Variants in ST8SIA4 observed in about 807,000 individuals in gnomAD.
ST8SIA4 encodes ST8 alpha-N-acetyl-neuraminide alpha-2,8-sialyltransferase 4.
ST8SIA4 carries 15 observed loss-of-function variants against 33.9 expected under a neutral mutation model. The ratio of observed to expected loss-of-function variants is 0.44; its 90% CI spans 0.30 to 0.68. The LOEUF (loss-of-function observed/expected upper bound fraction) is 0.68. Among genes scored for constraint, ST8SIA4 ranks in the 30% least tolerant of loss-of-function variants. ST8SIA4 has a pLI of 0.10. For missense variants in ST8SIA4, 321 were observed against 428.0 expected, an observed-to-expected ratio of 0.75 and a Z score of 2.21; for synonymous variants, 171 against 151.2, an observed-to-expected ratio of 1.13 and a Z score of -0.96.
At chr5:100,844,238 G>A (rs895983886) in intron 4 of ST8SIA4, among the ~76,000 whole-genome samples, 2 of 151,888 alleles carry the variant, frequency 1.3e-5, no homozygotes, top group South Asian at 2.1e-4. Context: ...AATTTGCATC[G>A]TATATAATGT....
intron 4 of ST8SIA4, among the ~76,000 whole-genome samples, chr5:100,815,678 T>C (rs1036513998): frequency 5.9e-5 from 9 of 152,104 alleles, no homozygotes; most frequent in Non-Finnish European, 1.3e-4. Flanking sequence ...GTTCAATTTC[T>C]TACTTCAAAC....
intron 4 of ST8SIA4, among the ~76,000 whole-genome samples, chr5:100,852,114 CTTTTTTTT>C (rs773074391): frequency 1.2e-5 from 1 of 83,446 alleles, no homozygotes; most frequent in South Asian, 5.2e-4. Context: ...CTCCACTCTT[CTTTTTTTT>C]TTTTTTTTTT....
At chr5:100,822,509 T>C (rs1398026354) in intron 4 of ST8SIA4, among the ~76,000 whole-genome samples, 1 of 152,178 alleles carries the variant, frequency 6.6e-6, no homozygotes. Context: ...ATCTCTAAAT[T>C]TGGGTAAAAA....
chr5:100,834,055 T>G lies in ST8SIA4; in HGVS notation c.798-21926A>C, dbSNP rs555555456. Among the ~76,000 whole-genome samples the G allele has an allele frequency of 4.6e-5, 7 of 152,300 alleles. No homozygotes were observed. In the South Asian group the frequency reaches 1.4e-3, roughly 32 times the overall value. Reference sequence around the variant, plus strand: ...ATATTGAAGAGATTAGGATATCATCTTAATCAAATGAGTGCTAATATAATA... The same window carrying G: ...ATATTGAAGAGATTAGGATATCATCGTAATCAAATGAGTGCTAATATAATA... On this transcript the variant is annotated intron_variant, in intron 4 of 4. Coordinates refer to ENST00000231461, the MANE Select transcript of ST8SIA4 (RefSeq NM_005668.6).
At chr5:100,833,604 T>C (rs1751303788) in intron 4 of ST8SIA4, among the ~76,000 whole-genome samples, 1 of 152,128 alleles carries the variant, frequency 6.6e-6, no homozygotes, top group South Asian at 2.1e-4. Flanking sequence ...AACAAACCTA[T>C]GTCAAAAGGG....
intron 4 of ST8SIA4, among the ~76,000 whole-genome samples, chr5:100,818,088 G>T (rs1408440666): frequency 2.0e-5 from 3 of 152,162 alleles, no homozygotes; most frequent in African/African-American, 7.2e-5. Context: ...TGATGGGAAA[G>T]AAAGGATAAA....
intron 4 of ST8SIA4, among the ~76,000 whole-genome samples, chr5:100,849,929 T>C (rs1266003663): frequency 2.0e-5 from 3 of 152,210 alleles, no homozygotes; most frequent in South Asian, 2.1e-4. Flanking sequence ...GCAGTTTATG[T>C]AGCCCATTTA....
chr5:100,872,380 A>G (rs1752214950), intron 3 of ST8SIA4, among the ~76,000 whole-genome samples: 1 of 152,054 alleles, frequency 6.6e-6, no homozygotes, highest in Non-Finnish European at 1.5e-5. Context: ...TGAAATATAC[A>G]ATACATTGTA....
At chr5:100,816,651 G>C (rs1428774975) in intron 4 of ST8SIA4, 1 of 494,898 alleles carries the variant, frequency 2.0e-6, no homozygotes, top group African/African-American at 2.0e-5. Flanking sequence ...ATCAAGGATG[G>C]AATCTCACTG....
At chr5:100,839,426 A>G (rs1363232268) in intron 4 of ST8SIA4, among the ~76,000 whole-genome samples, 2 of 152,008 alleles carry the variant, frequency 1.3e-5, no homozygotes, top group African/African-American at 4.8e-5. Context: ...GAACTCAGCT[A>G]TAGAATTTAT....
At chr5:100,836,061 G>A (rs1751356456) in intron 4 of ST8SIA4, among the ~76,000 whole-genome samples, 1 of 152,090 alleles carries the variant, frequency 6.6e-6, no homozygotes, top group Non-Finnish European at 1.5e-5. Context: ...TCTGGAAAGA[G>A]AGAAATACCT....
chr5:100,896,771 G>A (rs914358744), intron 1 of ST8SIA4, among the ~76,000 whole-genome samples: 2 of 152,130 alleles, frequency 1.3e-5, no homozygotes, highest in Non-Finnish European at 2.9e-5. Context: ...TTAGACAACA[G>A]AGACAGAATG....
chr5:100,832,125 A>T (rs1175065079), intron 4 of ST8SIA4, among the ~76,000 whole-genome samples: 3 of 152,166 alleles, frequency 2.0e-5, no homozygotes, highest in Non-Finnish European at 4.4e-5. Flanking sequence ...GGATGGATTA[A>T]GTGTGTTCTG....
In ST8SIA4 at chr5:100,812,100, T is replaced by C; in HGVS notation, c.827A>G (p.Lys276Arg). 5.0e-6 allele frequency: 8 copies of C among 1,612,132 alleles called. No individual in the cohort carries two copies. The highest frequency in any genetic ancestry group is 6.8e-6 in the Non-Finnish European group (8 of 1,179,466). The change falls in exon 5 of 5, where the codon AAA becomes AGA. Residue 276 changes from lysine to arginine, a missense_variant. Coordinates refer to ENST00000231461, the MANE Select transcript of ST8SIA4 (RefSeq NM_005668.6). ...GYWLTNKVPI[K>R]RPSTGLLMYT... ...CATGAGAAGACCTGTGCTGGGTCTT[T>C]TGATAGGAACTTTGTTGGTCAGCCA... is the stretch of plus-strand genomic sequence containing the variant.
chr5:100,816,665 C>T (rs748774823), intron 4 of ST8SIA4: 1 of 481,186 alleles, frequency 2.1e-6, no homozygotes. Flanking sequence ...CTCACTGTGC[C>T]AACAGTTGTA....
At position 100,900,102 on chromosome 5, in the gene ST8SIA4, A is replaced by T. The variant is rs192181112; in HGVS notation, c.113+2741T>A. On this transcript the variant is annotated intron_variant, in intron 1 of 4. Coordinates refer to ENST00000231461, the MANE Select transcript of ST8SIA4 (RefSeq NM_005668.6). ...CTGCTCAGTATTGTGGCATACTGTAAGAGTAACTATAGATGGGACCCCCAT... is the reference window on the plus strand; with the variant it reads ...CTGCTCAGTATTGTGGCATACTGTATGAGTAACTATAGATGGGACCCCCAT... Among the ~76,000 whole-genome samples the T allele has an allele frequency of 2.4e-3, 369 of 152,302 alleles. 1 individual carries two copies. The highest frequency in any genetic ancestry group is 8.2e-3 in the African/African-American group (339 of 41,568).
chr5:100,821,920 C>A (rs990778923), intron 4 of ST8SIA4, among the ~76,000 whole-genome samples: 1 of 152,196 alleles, frequency 6.6e-6, no homozygotes, highest in Non-Finnish European at 1.5e-5. Flanking sequence ...ATTGAACACT[C>A]AGACAAGGGC....
chr5:100,840,579 G>A (rs61616749), intron 4 of ST8SIA4, among the ~76,000 whole-genome samples: 2,624 of 151,610 alleles, frequency 0.017, 69 homozygotes, highest in African/African-American at 0.06. Context: ...TCCCCCAAGC[G>A]GTTCATTTCA....
chr5:100,834,781 A>G (rs1751333132), intron 4 of ST8SIA4, among the ~76,000 whole-genome samples: 1 of 152,070 alleles, frequency 6.6e-6, no homozygotes, highest in Admixed American at 6.6e-5. Flanking sequence ...TCACCATGTG[A>G]GAGCCTGTCC....
Sources: gnomAD v4.1 joint callset for allele counts (sites outside exome capture counted in the v4.1 genomes callset) on GRCh38, gnomAD v4.1.1 for gene constraint, MANE v1.5 for transcripts, NCBI Gene and HGNC (gene_info 2026-07-23, HGNC 2026-07-21) for gene names.